The following FRAS1 variants were observed in gnomAD, a reference collection of about 807,000 sequenced individuals.
FRAS1 encodes extracellular matrix organizing protein FRAS1.
FRAS1 carries 290 observed loss-of-function variants against 435.2 expected under a neutral mutation model. The observed-to-expected ratio is 0.67, with a 90% CI of 0.61 to 0.73. FRAS1 has a LOEUF of 0.73. FRAS1 is among the 30% of genes least tolerant of loss of function. FRAS1 has a pLI of 0.00. For missense variants in FRAS1, 4,860 were observed against 5,001.5 expected (o/e 0.97, Z 0.85); for synonymous variants, 1,800 against 1,851.0 (o/e 0.97, Z 0.71).
intron 20 of FRAS1, among the ~76,000 whole-genome samples, chr4:78,360,271 T>G (rs1731026437): frequency 6.6e-6 from 1 of 152,166 alleles, no homozygotes; most frequent in African/African-American, 2.4e-5. Context: ...AATCTGGTCC[T>G]TAAGAGGCCA....
intron 2 of FRAS1, among the ~76,000 whole-genome samples, chr4:78,118,274 A>G (rs997665793): frequency 6.6e-6 from 1 of 152,016 alleles, no homozygotes; most frequent in African/African-American, 2.4e-5. Context: ...CTACTCGGGG[A>G]CCAGGGACCC....
chr4:78,288,143 TCA>T (rs1354405161), intron 14 of FRAS1, among the ~76,000 whole-genome samples: 1 of 152,230 alleles, frequency 6.6e-6, no homozygotes, highest in Non-Finnish European at 1.5e-5. Flanking sequence ...CTTATCATGT[TCA>T]GTTTACCTGT....
intron 32 of FRAS1, among the ~76,000 whole-genome samples, chr4:78,413,310 C>T (rs1237545498): frequency 1.3e-5 from 2 of 152,214 alleles, no homozygotes; most frequent in East Asian, 1.9e-4. Flanking sequence ...ACCTCCCATC[C>T]ATCGCTGATG....
chr4:78,363,264 AG>A (rs1731144732), intron 20 of FRAS1, among the ~76,000 whole-genome samples: 1 of 152,184 alleles, frequency 6.6e-6, no homozygotes, highest in South Asian at 2.1e-4. Context: ...TCGTATCTAA[AG>A]GTCATTCCGT....
At chr4:78,175,103 T>C (rs1721708093) in intron 2 of FRAS1, among the ~76,000 whole-genome samples, 1 of 152,202 alleles carries the variant, frequency 6.6e-6, no homozygotes, top group South Asian at 2.1e-4. Flanking sequence ...CTGGCTGCTC[T>C]CCACCGGCCC....
At chr4:78,296,631 T>C (rs1367334307) in intron 14 of FRAS1, among the ~76,000 whole-genome samples, 2 of 152,204 alleles carry the variant, frequency 1.3e-5, no homozygotes, top group African/African-American at 4.8e-5. Context: ...AACTGCTAAG[T>C]GTGAAGCCCC....
At chr4:78,343,106 A>T (rs576526292) in intron 20 of FRAS1, among the ~76,000 whole-genome samples, 1 of 152,274 alleles carries the variant, frequency 6.6e-6, no homozygotes, top group South Asian at 2.1e-4. Flanking sequence ...TGGCCAGATA[A>T]ATTTGGGATT....
intron 29 of FRAS1, among the ~76,000 whole-genome samples, chr4:78,392,804 T>C (rs1221563795): frequency 1.3e-5 from 2 of 151,602 alleles, no homozygotes; most frequent in Non-Finnish European, 2.9e-5. Flanking sequence ...GAAAAAAAAA[T>C]ATGAGGAGAT....
chr4:78,129,436 TA>T (rs1013600012), intron 2 of FRAS1, among the ~76,000 whole-genome samples: 38 of 152,342 alleles, frequency 2.5e-4, no homozygotes, highest in African/African-American at 9.1e-4. Flanking sequence ...GAATTGGGTA[TA>T]TTGTGGTAAA....
Position 78,283,721 on chromosome 4 carries a change from GA to G in FRAS1, c.1256-679del, listed in dbSNP as rs1333296424. On this transcript the variant is annotated intron_variant, in intron 12 of 73. Transcript: ENST00000512123. ...GTATTTTTGTGAAGAGTTTATCAAG[GA>G]AAAAGCAAAGCAACTTTATGGCTTA... Among the ~76,000 whole-genome samples the G allele has an allele frequency of 2.0e-5, 3 of 152,238 alleles. No homozygotes were observed. The East Asian group carries it at 5.8e-4, about 29-fold the overall frequency.
chr4:78,116,209 G>A (rs571406651), intron 2 of FRAS1, among the ~76,000 whole-genome samples: 5 of 152,034 alleles, frequency 3.3e-5, no homozygotes, highest in Non-Finnish European at 7.4e-5. Context: ...TTGTTATAAT[G>A]TCTGTTCTTT....
At chr4:78,303,713 G>A (rs1480792764) in intron 14 of FRAS1, among the ~76,000 whole-genome samples, 2 of 152,278 alleles carry the variant, frequency 1.3e-5, no homozygotes, top group East Asian at 3.9e-4. Context: ...TTTGTATCCT[G>A]AGACTTTGCT....
At chr4:78,080,804 A>C (rs116809227) in intron 2 of FRAS1, among the ~76,000 whole-genome samples, 2,275 of 152,208 alleles carry the variant, frequency 0.015, 59 homozygotes, top group African/African-American at 0.052. Flanking sequence ...TTCTGTGGCA[A>C]GACTATTTTT....
At chr4:78,234,260 C>T (rs904262501) in intron 2 of FRAS1, among the ~76,000 whole-genome samples, 3 of 152,078 alleles carry the variant, frequency 2.0e-5, no homozygotes, top group East Asian at 1.9e-4. Flanking sequence ...GAGTCTCGCT[C>T]TGTCACCCAG....
At chr4:78,396,000 T>C (rs1332232845) in intron 29 of FRAS1, among the ~76,000 whole-genome samples, 1 of 152,104 alleles carries the variant, frequency 6.6e-6, no homozygotes, top group African/African-American at 2.4e-5. Context: ...TATTTATTTC[T>C]CTTTATTTTT....
intron 2 of FRAS1, among the ~76,000 whole-genome samples, chr4:78,099,481 G>T (rs1028436024): frequency 1.3e-5 from 2 of 152,154 alleles, no homozygotes; most frequent in East Asian, 1.9e-4. Flanking sequence ...GGTGAAAGGG[G>T]CACGTAAAAT....
chr4:78,127,656 CA>C (rs33975224), intron 2 of FRAS1, among the ~76,000 whole-genome samples: 32,350 of 136,468 alleles, frequency 0.24, 3,763 homozygotes, highest in Admixed American at 0.3. Flanking sequence ...AACAAACAAA[CA>C]AACAACAACA....
chr4:78,162,328 G>C (rs1300634898), intron 2 of FRAS1, among the ~76,000 whole-genome samples: 2 of 152,122 alleles, frequency 1.3e-5, no homozygotes, highest in Non-Finnish European at 2.9e-5. Context: ...TTATGATTAT[G>C]TGTTTCCATC....
intron 35 of FRAS1, among the ~76,000 whole-genome samples, chr4:78,427,552 T>C (rs186940297): frequency 6.6e-6 from 1 of 152,352 alleles, no homozygotes; most frequent in African/African-American, 2.4e-5. Context: ...CTAAAACTTA[T>C]GAAAAAGTTT....
Sources: allele counts gnomAD v4.1 joint callset (sites outside exome capture counted in the v4.1 genomes callset), GRCh38; gene constraint gnomAD v4.1.1; transcripts MANE v1.5; gene names NCBI Gene and HGNC (gene_info 2026-07-23, HGNC 2026-07-21).